Variants in STK32C observed in about 807,000 individuals in gnomAD.
The protein encoded by STK32C is serine/threonine-protein kinase 32C.
STK32C carries 31 observed loss-of-function variants against 56.5 expected under a neutral mutation model. That is an observed-to-expected ratio of 0.55 (90% CI 0.41 to 0.74). The LOEUF (loss-of-function observed/expected upper bound fraction) is 0.74, where lower values mean the gene tolerates loss of function less well. STK32C is among the 30% of genes least tolerant of loss of function. The pLI, the probability that STK32C is intolerant of heterozygous loss-of-function variation, is 0.00. For missense variants in STK32C, 544 were observed against 676.9 expected (o/e 0.80, Z 2.18); for synonymous variants, 309 against 289.4 (o/e 1.07, Z -0.69).
intron 2 of STK32C, among the ~76,000 whole-genome samples, chr10:132,232,656 C>T (rs2063142775): frequency 6.6e-6 from 1 of 152,128 alleles, no homozygotes; most frequent in African/African-American, 2.4e-5. Flanking sequence ...GGTCTCACCA[C>T]AAAGAGGAAC....
chr10:132,256,419 T>C (rs1044735360), intron 1 of STK32C, among the ~76,000 whole-genome samples: 14 of 152,148 alleles, frequency 9.2e-5, no homozygotes, highest in Non-Finnish European at 2.9e-5. Context: ...TGGTCTGAAA[T>C]TGTCTGGAAT....
intron 1 of STK32C, among the ~76,000 whole-genome samples, chr10:132,256,576 G>A (rs1258311146): frequency 6.6e-6 from 1 of 152,154 alleles, no homozygotes; most frequent in Non-Finnish European, 1.5e-5. Context: ...CGCAGGAGTC[G>A]CCCACGGCAG....
At chr10:132,251,519 G>A (rs2063904526) in intron 1 of STK32C, among the ~76,000 whole-genome samples, 1 of 152,086 alleles carries the variant, frequency 6.6e-6, no homozygotes, top group African/African-American at 2.4e-5. Flanking sequence ...GGGCATAGGA[G>A]CCCCCACACC....
At chr10:132,311,882 G>A (rs184090312), upstream of STK32C, among the ~76,000 whole-genome samples, 41 of 152,308 alleles carry the variant, frequency 2.7e-4, no homozygotes, top group East Asian at 6.0e-3. The surrounding 1 kb of genome is among the most constrained non-coding windows in gnomAD (Gnocchi z 4.4). Flanking sequence ...GGGCCGGCAC[G>A]GACATGTCCT....
chr10:132,286,380 C>A (rs1011882529), intron 1 of STK32C, among the ~76,000 whole-genome samples: 1 of 152,196 alleles, frequency 6.6e-6, no homozygotes, highest in Non-Finnish European at 1.5e-5. Flanking sequence ...ACCAACCTTA[C>A]ACAAACTTTT....
intron 1 of STK32C, among the ~76,000 whole-genome samples, chr10:132,293,986 C>T (rs1438281616): frequency 6.6e-6 from 1 of 152,194 alleles, no homozygotes; most frequent in African/African-American, 2.4e-5. Context: ...CAGGGGCCTT[C>T]AGGCGGGGCC....
intron 1 of STK32C, among the ~76,000 whole-genome samples, chr10:132,268,956 CGTGT>C (rs149137293): frequency 1.6e-5 from 2 of 126,606 alleles, no homozygotes; most frequent in East Asian, 2.7e-4. Flanking sequence ...TGTCTCACAT[CGTGT>C]GTGTGTGTGT....
chr10:132,278,739 G>A (rs1373633915), intron 1 of STK32C, among the ~76,000 whole-genome samples: 1 of 136,720 alleles, frequency 7.3e-6, no homozygotes, highest in African/African-American at 2.8e-5. Flanking sequence ...CAGCCTGGGC[G>A]ACAGAGCGAG....
rs1471777537 is a variant in STK32C, at chr10:132,225,278, G to A, written c.831C>T (p.Asp277=). The change falls in exon 7 of 12, where the codon GAC becomes GAT. Residue 277 remains aspartate, a synonymous_variant. Coordinates refer to ENST00000298630, the MANE Select transcript of STK32C (RefSeq NM_173575.4). Reference sequence around the variant, plus strand: ...AGGCCATCACCCCCACCGACCACCAGTCCACCTCGAAGGAGTAGCCGGTCC... The same window carrying A: ...AGGCCATCACCCCCACCGACCACCAATCCACCTCGAAGGAGTAGCCGGTCC... The part of the protein sequence containing the change: ...NGGTGYSFEV[D]WWSVGVMAYE... The A allele has an allele frequency of 2.5e-6, 4 of 1,610,844 alleles. No homozygotes were observed. Among genetic ancestry groups the A allele is most frequent in the East Asian group, 4.5e-5 (2 of 44,642 alleles).
intron 2 of STK32C, among the ~76,000 whole-genome samples, chr10:132,242,756 T>C (rs1235181578): frequency 6.6e-6 from 1 of 152,118 alleles, no homozygotes; most frequent in Non-Finnish European, 1.5e-5. Context: ...CACGTAACAC[T>C]AATAATAAAT....
exon 1 of STK32C, chr10:132,331,637 T>C (rs779918195): frequency 6.2e-7 from 1 of 1,612,782 alleles, no homozygotes; most frequent in South Asian, 1.1e-5. Flanking sequence ...CGAGGACCGC[T>C]CCAAAGGTGG....
At chr10:132,315,466 C>A (rs1463732283) in intron 1 of STK32C, among the ~76,000 whole-genome samples, 1 of 151,796 alleles carries the variant, frequency 6.6e-6, no homozygotes, top group African/African-American at 2.4e-5. Context: ...CACATGTATC[C>A]CAGAACTTAA....
Position 132,207,986 on chromosome 10 carries a change from G to A in STK32C, c.*24C>T. 3.8e-6 allele frequency: 5 copies of A among 1,298,992 alleles called. No homozygotes were observed. The highest frequency in any genetic ancestry group is 4.9e-6 in the Non-Finnish European group (5 of 1,017,158). The allele number at this position is 1,298,992 out of a possible 1,614,324, so 80.5% of individuals were successfully genotyped here. ...GCCGAGTCTCCAAAGCAGCTCAAGG[G>A]GTGAGGACCACGGGCGTCCCGGCCT... On this transcript the variant is annotated 3_prime_UTR_variant, in exon 12 of 12. Transcript: ENST00000298630.
At position 132,207,964 on chromosome 10, in the gene STK32C, G is replaced by T; in HGVS notation, c.*46C>A. ...GCCCATGGCCCTCCCTCTGGCAGCCGAGTCTCCAAAGCAGCTCAAGGGGTG... is the reference window on the plus strand; with the variant it reads ...GCCCATGGCCCTCCCTCTGGCAGCCTAGTCTCCAAAGCAGCTCAAGGGGTG... On this transcript the variant is annotated 3_prime_UTR_variant, in exon 12 of 12. Transcript: ENST00000298630. 7.8e-7 allele frequency: 1 copy of T among 1,283,278 alleles called. No homozygotes were observed. The highest frequency in any genetic ancestry group is 3.6e-5 in the South Asian group (1 of 27,808). The allele number at this position is 1,283,278 out of a possible 1,614,324, so 79.5% of individuals were successfully genotyped here.
chr10:132,208,274 C>T (rs1032878786), intron 11 of STK32C, 123 bp from the exon 12 acceptor site: 46 of 1,161,004 alleles, frequency 4.0e-5, no homozygotes, highest in Middle Eastern at 3.0e-4. Context: ...GGGCCACAGG[C>T]TCGGTGTCTG....
chr10:132,280,078 C>T (rs1187218163), intron 1 of STK32C, among the ~76,000 whole-genome samples: 2 of 146,474 alleles, frequency 1.4e-5, no homozygotes, highest in Non-Finnish European at 3.0e-5. Flanking sequence ...GATCATGCCC[C>T]TGCACTCGGT....
intron 1 of STK32C, among the ~76,000 whole-genome samples, chr10:132,252,259 AAC>A (rs2063937265): frequency 6.6e-6 from 1 of 152,246 alleles, no homozygotes; most frequent in Admixed American, 6.5e-5. Context: ...GTGTGGGGGA[AAC>A]ACTCAACAAG....
upstream of STK32C, among the ~76,000 whole-genome samples, chr10:132,311,637 G>A (rs1280822791): frequency 6.6e-6 from 1 of 152,194 alleles, no homozygotes; most frequent in African/African-American, 2.4e-5. The surrounding 1 kb of genome is among the most constrained non-coding windows in gnomAD (Gnocchi z 4.4). Context: ...ACTGCAGTGC[G>A]CCGGGGCCGA....
At chr10:132,292,451 C>G (rs773896638) in intron 1 of STK32C, among the ~76,000 whole-genome samples, 2 of 152,266 alleles carry the variant, frequency 1.3e-5, no homozygotes, top group Non-Finnish European at 2.9e-5. Flanking sequence ...TTCATCCACA[C>G]ACTCATACAC....
Sources: gnomAD v4.1 joint callset for allele counts (sites outside exome capture counted in the v4.1 genomes callset) on GRCh38, gnomAD v4.1.1 for gene constraint, Gnocchi (gnomAD v3.1) non-coding constraint, MANE v1.5 for transcripts, NCBI Gene and HGNC (gene_info 2026-07-23, HGNC 2026-07-21) for gene names.